TSPEAR: variants seen among roughly 807,000 people sequenced by gnomAD.
TSPEAR encodes thrombospondin-type laminin G domain and EAR repeat-containing protein.
In TSPEAR, 69 loss-of-function variants were observed where a neutral mutation model predicts 71.6. The ratio of observed to expected loss-of-function variants is 0.96; its 90% confidence interval spans 0.79 to 1.18. TSPEAR has a LOEUF of 1.18. TSPEAR is among the 50% of genes most tolerant of loss of function. The pLI, the probability that TSPEAR is intolerant of heterozygous loss-of-function variation, is 0.00. For missense variants in TSPEAR, 971 were observed against 894.9 expected (o/e 1.09, Z -1.09); for synonymous variants, 402 against 387.2 (o/e 1.04, Z -0.45).
chr21:44,643,235 T>G (rs1259918963), intron 1 of TSPEAR, among the ~76,000 whole-genome samples: 41 of 152,146 alleles, frequency 2.7e-4, no homozygotes, highest in Admixed American at 2.7e-3. Flanking sequence ...GAGAGTAGAA[T>G]GGGGATTCGA....
chr21:44,647,356 G>A, intron 1 of TSPEAR: 1 of 1,613,172 alleles, frequency 6.2e-7, no homozygotes, highest in Non-Finnish European at 8.5e-7. Flanking sequence ...CAGCTGCTGA[G>A]TGCTCAATCC....
intron 1 of TSPEAR, chr21:44,627,993 T>A (rs371543899): frequency 6.2e-7 from 1 of 1,610,768 alleles, no homozygotes; most frequent in South Asian, 1.1e-5. Flanking sequence ...TCTGCCGCCC[T>A]GTGTGCTCCC....
intron 1 of TSPEAR, among the ~76,000 whole-genome samples, chr21:44,632,678 A>G (rs1983323031): frequency 6.6e-6 from 1 of 152,120 alleles, no homozygotes; most frequent in African/African-American, 2.4e-5. Context: ...TGCTAAAAAT[A>G]CACACACAAA....
At chr21:44,563,830 A>C (rs2053670601) in intron 2 of TSPEAR, among the ~76,000 whole-genome samples, 1 of 152,200 alleles carries the variant, frequency 6.6e-6, no homozygotes, top group South Asian at 2.1e-4. Context: ...TATATGTTTA[A>C]TAATTATTGT....
At chr21:44,598,016 C>T (rs1307563171) in intron 1 of TSPEAR, among the ~76,000 whole-genome samples, 1 of 152,070 alleles carries the variant, frequency 6.6e-6, no homozygotes, top group Non-Finnish European at 1.5e-5. Context: ...TAAGGCAAGG[C>T]TTCTCTTCAA....
chr21:44,591,247 C>A, intron 1 of TSPEAR: 1 of 1,446,990 alleles, frequency 6.9e-7, no homozygotes, highest in Admixed American at 2.7e-5. Flanking sequence ...CTGGGAAGGA[C>A]AGGGGGAGCA....
chr21:44,666,540 G>C, intron 1 of TSPEAR: 1 of 1,613,538 alleles, frequency 6.2e-7, no homozygotes, highest in Non-Finnish European at 8.5e-7. Context: ...GGACGGAGCC[G>C]CATACACGAC....
chr21:44,625,460 T>C (rs1982708868), intron 1 of TSPEAR, among the ~76,000 whole-genome samples: 2 of 152,340 alleles, frequency 1.3e-5, no homozygotes, highest in South Asian at 2.1e-4. Flanking sequence ...AAAAGAAATA[T>C]TGATAATGGG....
chr21:44,661,355 G>A (rs1359022980), intron 1 of TSPEAR, among the ~76,000 whole-genome samples: 1 of 152,034 alleles, frequency 6.6e-6, no homozygotes, highest in Non-Finnish European at 1.5e-5. Context: ...GTGCATTGTG[G>A]GGTTTTTAAC....
At chr21:44,659,804 A>C (rs1282668050) in intron 1 of TSPEAR, among the ~76,000 whole-genome samples, 3 of 152,232 alleles carry the variant, frequency 2.0e-5, no homozygotes, top group African/African-American at 7.2e-5. Context: ...GAAAGTAGAA[A>C]GTAAAATCAC....
intron 2 of TSPEAR, among the ~76,000 whole-genome samples, chr21:44,549,267 G>A (rs1555918157): frequency 6.6e-6 from 1 of 152,120 alleles, no homozygotes; most frequent in African/African-American, 2.4e-5. Flanking sequence ...AAAAGCAGAA[G>A]GAAAGAAGAA....
intron 1 of TSPEAR, among the ~76,000 whole-genome samples, chr21:44,633,222 G>T (rs1983356465): frequency 6.6e-6 from 1 of 151,896 alleles, no homozygotes. Flanking sequence ...TTCTTTATTT[G>T]CTCCCTGTAT....
intron 3 of TSPEAR, among the ~76,000 whole-genome samples, chr21:44,532,439 G>A (rs2052992224): frequency 1.3e-5 from 2 of 152,180 alleles, no homozygotes; most frequent in Non-Finnish European, 2.9e-5. Context: ...TGCACAGCAC[G>A]TCCCTGGGAG....
chr21:44,579,855 C>A (rs782686616), intron 1 of TSPEAR: 3 of 1,596,542 alleles, frequency 1.9e-6, no homozygotes, highest in Admixed American at 3.4e-5. Flanking sequence ...GAGGCAGGGG[C>A]ACAGCAGGAG....
At chr21:44,522,663 G>A (rs751874367) in intron 8 of TSPEAR, among the ~76,000 whole-genome samples, 166 of 152,350 alleles carry the variant, frequency 1.1e-3, no homozygotes, top group Middle Eastern at 3.4e-3. Flanking sequence ...CATGGTGGCC[G>A]CTCAGGGCAG....
In TSPEAR at chr21:44,525,891, G is replaced by T. The variant is rs368257291; in HGVS notation, c.1150-52C>A. On this transcript the variant is annotated intron_variant, in intron 7 of 11. Transcript: ENST00000323084. Reference sequence around the variant, plus strand: ...TGGTTCTGCTTGGGTCGGTGCCAGCGGCCTGGTTTCTGAAGGCTTCTGAAC... The same window carrying T: ...TGGTTCTGCTTGGGTCGGTGCCAGCTGCCTGGTTTCTGAAGGCTTCTGAAC... 69 of 1,580,158 alleles carry T rather than the reference G, an allele frequency of 4.4e-5. No homozygotes were observed. The African/African-American group carries it at 8.0e-4, about 18-fold the overall frequency.
intron 1 of TSPEAR, chr21:44,697,813 ACCCGCCCGCCGCGTGCCCGT>A: frequency 6.2e-7 from 1 of 1,608,832 alleles, no homozygotes; most frequent in Non-Finnish European, 8.5e-7. Flanking sequence ...CTGTGTGCAG[ACCCGCCCGCCGCGTGCCCGT>A]CCCCTCCTGC....
chr21:44,529,661 C>T (rs782527165), intron 5 of TSPEAR, 137 bp downstream of exon 5: 81 of 978,786 alleles, frequency 8.3e-5, no homozygotes, highest in African/African-American at 4.9e-4. Context: ...CCAATATGAC[C>T]GCTGCCCCCC....
chr21:44,636,018 CTTCTA>C (rs1255442352), intron 1 of TSPEAR, among the ~76,000 whole-genome samples: 1 of 151,712 alleles, frequency 6.6e-6, no homozygotes, highest in East Asian at 1.9e-4. Context: ...AATTTTTAGT[CTTCTA>C]TTCATTTCTT....
Sources: gnomAD v4.1 joint callset for allele counts (sites outside exome capture counted in the v4.1 genomes callset) on GRCh38, gnomAD v4.1.1 for gene constraint, MANE v1.5 for transcripts, NCBI Gene and HGNC (gene_info 2026-07-23, HGNC 2026-07-21) for gene names.